The following TRAF7 variants were observed in gnomAD, a reference collection of about 807,000 sequenced individuals.
TRAF7 encodes E3 ubiquitin-protein ligase TRAF7.
Under a neutral mutation model 89.3 loss-of-function variants are expected in TRAF7, and 45 were observed. That is an observed-to-expected ratio of 0.50 (90% CI 0.40 to 0.65). TRAF7 has a LOEUF of 0.65. TRAF7 is among the 30% of genes least tolerant of loss of function. The pLI, the probability that TRAF7 is intolerant of heterozygous loss-of-function variation, is 0.00. For missense variants in TRAF7, 677 were observed against 918.1 expected, an observed-to-expected ratio of 0.74 and a Z score of 3.39; for synonymous variants, 406 against 369.2, an observed-to-expected ratio of 1.10 and a Z score of -1.14.
chr16:2,160,060 G>C (rs376061864), intron 1 of TRAF7, among the ~76,000 whole-genome samples: 1 of 152,200 alleles, frequency 6.6e-6, no homozygotes, highest in African/African-American at 2.4e-5. Flanking sequence ...GGGATTTGCC[G>C]AAGAGGGGCT....
chr16:2,170,818 C>T (rs979797771), intron 5 of TRAF7, 88 bp downstream of exon 5: 39 of 1,281,792 alleles, frequency 3.0e-5, no homozygotes, highest in Admixed American at 1.4e-4. Flanking sequence ...GCCATGCCCG[C>T]CCAGCTCACA....
rs1260307731 is a variant in TRAF7, at chr16:2,175,409, G to C, written c.1495G>C (p.Ala499Pro). The C allele has an allele frequency of 1.3e-5, 21 of 1,613,404 alleles. No individual in the cohort carries two copies. The highest frequency in any genetic ancestry group is 1.8e-5 in the Non-Finnish European group (21 of 1,179,940). Reference protein sequence around the residue: ...HNVLFSGSLKAIKVWDIVGTE... With the variant: ...HNVLFSGSLKPIKVWDIVGTE... ...CGTGCTCTTCAGCGGCTCCCTGAAG[G>C]CCATCAAGGTACGGGTGGAGGCTGT... Residue 499 changes from alanine (A) to proline (P), a missense_variant, in exon 16 of 21, where the codon GCC becomes CCC. Ala to Pro is a conservative substitution (Grantham distance 27). Transcript: ENST00000326181.
At chr16:2,170,563 G>A (rs1473260463) in intron 4 of TRAF7, 51 bp from the exon 5 acceptor site, 2 of 1,449,260 alleles carry the variant, frequency 1.4e-6, no homozygotes, top group South Asian at 2.3e-5. Context: ...TCCTCCCCGA[G>A]GCTCTGACCC....
At chr16:2,170,308 G>A (rs2093103134) in intron 4 of TRAF7, among the ~76,000 whole-genome samples, 1 of 152,254 alleles carries the variant, frequency 6.6e-6, no homozygotes, top group African/African-American at 2.4e-5. Context: ...ACGGGAAGCA[G>A]GAAGCAGCCC....
intron 1 of TRAF7, among the ~76,000 whole-genome samples, chr16:2,160,589 G>A (rs1370055760): frequency 6.8e-6 from 1 of 147,506 alleles, no homozygotes; most frequent in African/African-American, 2.5e-5. Flanking sequence ...GCTCGGGCAG[G>A]CGTGGTGGGG....
intron 3 of TRAF7, 51 bp downstream of exon 3, chr16:2,165,987 C>T: frequency 6.2e-7 from 1 of 1,606,088 alleles, no homozygotes; most frequent in Middle Eastern, 1.7e-4. Flanking sequence ...CGGGGCACCC[C>T]CATGCCCACC....
rs763304733 is a variant in TRAF7 at position 2,175,909 on chromosome 16, A to T, written c.1702A>T (p.Thr568Ser). ...TGGCAGCGTCTACTCCATTGCTGTG[A>T]CAAATCACCACATTGTCTGTGGCAC... Reference protein sequence around the residue: ...SGGSVYSIAVTNHHIVCGTYE... With the variant: ...SGGSVYSIAVSNHHIVCGTYE... Residue 568 changes from threonine (T) to serine (S), a missense_variant, in exon 18 of 21, where the codon ACA becomes TCA. Thr to Ser is a moderately conservative substitution (Grantham distance 58, BLOSUM62 1). This residue lies in a region of TRAF7 where 160 missense variants were observed against 263.7 expected (regional missense o/e 0.61). Transcript: ENST00000326181. 1 of 1,613,498 alleles carries T rather than the reference A, an allele frequency of 6.2e-7. No individual in the cohort carries two copies. Among genetic ancestry groups the T allele is most frequent in the Non-Finnish European group, 8.5e-7 (1 of 1,179,976 alleles).
chr16:2,173,425 G>A (rs2093121872), intron 10 of TRAF7, 26 bp downstream of exon 10: 1 of 1,612,476 alleles, frequency 6.2e-7, no homozygotes, highest in South Asian at 1.1e-5. Flanking sequence ...GGGGCAGGCA[G>A]GGGCCTGGCC....
rs2093147461 is a variant in TRAF7, at chr16:2,177,928, A to G, written c.*1354A>G. ...TGGGGCCTCCACTCTGGCCGGAGGA[A>G]GGACCGCAGGCAGACAGCCTGGGCC... On this transcript the variant is annotated 3_prime_UTR_variant, in exon 21 of 21. Coordinates refer to ENST00000326181, the MANE Select transcript of TRAF7 (RefSeq NM_032271.3). 4 of 341,410 alleles carry G rather than the reference A, an allele frequency of 1.2e-5. No homozygotes were observed. The South Asian group carries it at 1.2e-4, about 10-fold the overall frequency. The allele number at this position is 341,410 out of a possible 1,614,324, so 21.1% of individuals were successfully genotyped here. A position where few individuals can be genotyped will look rare whatever the true frequency, so the allele number is the denominator to read the frequency against.
Position 2,177,751 on chromosome 16 carries a change from G to C in TRAF7, c.*1177G>C, listed in dbSNP as rs891471879. On this transcript the variant is annotated 3_prime_UTR_variant, in exon 21 of 21. Coordinates refer to ENST00000326181, the MANE Select transcript of TRAF7 (RefSeq NM_032271.3). ...ATTCACCAAACCCACCCGCGCCCTG[G>C]GACGCAGCCACGCCAGGAGGAGGAC... 1 of 243,246 alleles carries C rather than the reference G, an allele frequency of 4.1e-6. No individual in the cohort carries two copies. The highest frequency in any genetic ancestry group is 2.2e-5 in the African/African-American group (1 of 45,078). The allele number at this position is 243,246 out of a possible 1,614,324, so 15.1% of individuals were successfully genotyped here. A position where few individuals can be genotyped will look rare whatever the true frequency, so the allele number is the denominator to read the frequency against.
rs2093115530 is a variant in TRAF7, at chr16:2,172,358, A to C, written c.643A>C (p.Lys215Gln). 6.2e-7 allele frequency: 1 copy of C among 1,611,934 alleles called. No homozygotes were observed. The highest frequency in any genetic ancestry group is 1.3e-5 in the African/African-American group (1 of 74,890). The change falls in exon 8 of 21, where the codon AAG becomes CAG. Residue 215 changes from lysine to glutamine, a missense_variant. Physicochemically the swap from Lys to Gln is moderately conservative, Grantham distance 53. Coordinates refer to ENST00000326181, the MANE Select transcript of TRAF7 (RefSeq NM_032271.3). The stretch of plus-strand genomic sequence containing the variant: ...CCCCCGAGGGTGCCCCTTCACCATC[A>C]AGCTCAGCGCCCGGAAGTAAGTGCC... Reference protein sequence around the residue: ...VDPRGCPFTIKLSARKDHEGS... With the variant: ...VDPRGCPFTIQLSARKDHEGS...
chr16:2,167,012 T>C lies in TRAF7; in HGVS notation c.140-1065T>C, dbSNP rs141584261. ...TCTGATAAACCTGGCCATGGGGTCA[T>C]AGGGCCGCCAAGGACACCTGCTTAC... On this transcript the variant is annotated intron_variant, in intron 3 of 20. Transcript: ENST00000326181. Among the ~76,000 whole-genome samples, 1,004 of 152,338 alleles carry C rather than the reference T, an allele frequency of 6.6e-3. 14 individuals are homozygous for C. Among genetic ancestry groups the C allele is most frequent in the African/African-American group, 0.023 (943 of 41,576 alleles).
rs1233718281 is a variant in TRAF7, at chr16:2,161,036, GATCCTGCC to G, written c.-38-2846_-38-2839del. ...TGCTCAATTCCGAGGTGCGGGGATG[GATCCTGCC>G]TTAGGGCGGGACACAAACGTTCCCT... On this transcript the variant is annotated intron_variant, in intron 1 of 20. Transcript: ENST00000326181. The surrounding 1 kb of genome is among the most constrained non-coding windows in gnomAD (Gnocchi z 5.2). 6.6e-6 allele frequency among the ~76,000 whole-genome samples: 1 copy of G among 152,136 alleles called. No individual in the cohort carries two copies. Among genetic ancestry groups the G allele is most frequent in the Non-Finnish European group, 1.5e-5 (1 of 68,000 alleles).
intron 9 of TRAF7, 127 bp downstream of exon 9, chr16:2,172,726 C>T (rs999873096): frequency 8.2e-7 from 1 of 1,216,000 alleles, no homozygotes; most frequent in African/African-American, 1.5e-5. Context: ...GGTCTGTAAT[C>T]CTCTCTGAGG....
At chr16:2,160,251 G>A (rs928384589) in intron 1 of TRAF7, among the ~76,000 whole-genome samples, 11 of 152,022 alleles carry the variant, frequency 7.2e-5, no homozygotes, top group South Asian at 2.1e-4. Flanking sequence ...TGGAGGGGAC[G>A]GTGGGGGGCC....
chr16:2,166,616 G>A (rs2093087506), intron 3 of TRAF7, among the ~76,000 whole-genome samples: 1 of 152,158 alleles, frequency 6.6e-6, no homozygotes, highest in South Asian at 2.1e-4. Flanking sequence ...TGCCCAGGAT[G>A]GTCTCAAATT....
chr16:2,175,423 G>A lies in TRAF7; in HGVS notation c.1503+6G>A. On this transcript the variant is annotated splice_donor_region_variant and intron_variant, in intron 16 of 20. Transcript: ENST00000326181. ...GCTCCCTGAAGGCCATCAAGGTACG[G>A]GTGGAGGCTGTGCCTACGTGTGTGT... The A allele has an allele frequency of 6.2e-7, 1 of 1,613,330 alleles. No individual in the cohort carries two copies. The highest frequency in any genetic ancestry group is 8.5e-7 in the Non-Finnish European group (1 of 1,179,820).
chr16:2,166,744 G>A (rs555473035), intron 3 of TRAF7, among the ~76,000 whole-genome samples: 28 of 152,320 alleles, frequency 1.8e-4, no homozygotes, highest in Admixed American at 1.6e-3. Context: ...CGGGATACAC[G>A]ACAGAAACCT....
intron 13 of TRAF7, 67 bp from the exon 14 acceptor site, chr16:2,174,184 C>T: frequency 1.3e-6 from 2 of 1,595,188 alleles, no homozygotes; most frequent in East Asian, 4.5e-5. Context: ...CTCACTCATT[C>T]CTGTCATGCT....
Sources: allele counts gnomAD v4.1 joint callset (sites outside exome capture counted in the v4.1 genomes callset), GRCh38; gene constraint gnomAD v4.1.1; regional missense constraint gnomAD v4.1.1; non-coding constraint Gnocchi (gnomAD v3.1); transcripts MANE v1.5; gene names NCBI Gene and HGNC (gene_info 2026-07-23, HGNC 2026-07-21).